TNRC6C: variants seen among roughly 807,000 people sequenced by gnomAD.
TNRC6C encodes the protein trinucleotide repeat containing adaptor 6C.
In TNRC6C, 20 loss-of-function variants were observed where a neutral mutation model predicts 153.7. The ratio of observed to expected loss-of-function variants is 0.13; its 90% confidence interval spans 0.09 to 0.19. The LOEUF is 0.19. Among genes scored for constraint, TNRC6C ranks in the 10% least tolerant of loss-of-function variants. The probability of loss-of-function intolerance (pLI) is 1.00; values close to 1 mark genes in which losing one functional copy is unlikely to be tolerated. For synonymous variants in TNRC6C, 811 were observed against 841.4 expected (o/e 0.96, Z 0.63); for missense variants, 1,987 against 2,172.0 (o/e 0.91, Z 1.69).
chr17:78,010,179 T>G (rs1055172548), intron 1 of TNRC6C, among the ~76,000 whole-genome samples: 12 of 152,218 alleles, frequency 7.9e-5, no homozygotes, highest in African/African-American at 2.9e-4. Context: ...CAGCCCAAAT[T>G]CGTACATTTA....
intron 16 of TNRC6C, among the ~76,000 whole-genome samples, chr17:78,093,971 T>TA (rs1187762362): frequency 1.3e-5 from 2 of 150,964 alleles, no homozygotes; most frequent in African/African-American, 2.5e-5. Flanking sequence ...CTGGATTTTT[T>TA]ATTATTATTA....
At chr17:78,058,471 A>G (rs1239864715) in intron 3 of TNRC6C, among the ~76,000 whole-genome samples, 1 of 152,256 alleles carries the variant, frequency 6.6e-6, no homozygotes, top group Non-Finnish European at 1.5e-5. Flanking sequence ...AATGAGATTG[A>G]AGAAGAACTT....
chr17:78,020,384 A>G (rs1036093958), intron 1 of TNRC6C, among the ~76,000 whole-genome samples: 1 of 152,214 alleles, frequency 6.6e-6, no homozygotes, highest in African/African-American at 2.4e-5. Flanking sequence ...ATAATGTGCT[A>G]GTACTTTAGT....
chr17:77,968,392 A>G (rs1314979200), intron 1 of TNRC6C, among the ~76,000 whole-genome samples: 2 of 149,518 alleles, frequency 1.3e-5, no homozygotes, highest in Admixed American at 1.3e-4. Context: ...CCCAGACTAG[A>G]GTGCGGTAGC....
intron 3 of TNRC6C, among the ~76,000 whole-genome samples, chr17:78,059,321 G>C (rs567319037): frequency 1.3e-5 from 2 of 152,192 alleles, no homozygotes; most frequent in African/African-American, 4.8e-5. Context: ...GTGGATGTGG[G>C]ATTTTTCTTG....
upstream of TNRC6C, chr17:78,004,370 A>G: frequency 8.4e-7 from 1 of 1,187,672 alleles, no homozygotes; most frequent in Non-Finnish European, 1.1e-6. Context: ...TTACTTTTTA[A>G]ATCAATATGC....
chr17:78,029,808 GACACACAC>G (rs57924935), intron 1 of TNRC6C, among the ~76,000 whole-genome samples: 4 of 146,374 alleles, frequency 2.7e-5, no homozygotes, highest in Non-Finnish European at 4.5e-5. Context: ...TAAAAACCTA[GACACACAC>G]ACACACACAC....
At chr17:78,070,654 T>C (rs536339792) in intron 5 of TNRC6C, among the ~76,000 whole-genome samples, 1 of 152,334 alleles carries the variant, frequency 6.6e-6, no homozygotes, top group African/African-American at 2.4e-5. Context: ...TCTTGCTGCC[T>C]CTTTACTCAT....
exon 3 of TNRC6C, chr17:78,050,147 G>T (rs1027519598): frequency 6.3e-7 from 1 of 1,590,928 alleles, no homozygotes; most frequent in Non-Finnish European, 8.6e-7. Context: ...GGATCAACAG[G>T]GTGGGAGAGT....
upstream of TNRC6C, among the ~76,000 whole-genome samples, chr17:78,002,150 G>A (rs1279495010): frequency 6.6e-6 from 1 of 151,946 alleles, no homozygotes; most frequent in African/African-American, 2.4e-5. Flanking sequence ...ACTGTGCAAG[G>A]TAGACAGTAA....
chr17:78,035,968 A>G (rs970403236), intron 2 of TNRC6C, among the ~76,000 whole-genome samples: 1 of 152,198 alleles, frequency 6.6e-6, no homozygotes, highest in Non-Finnish European at 1.5e-5. Context: ...GGTCACTTCT[A>G]CATTAAAACA....
At chr17:78,103,608 C>G (rs1025900499) in intron 19 of TNRC6C, 55 bp downstream of exon 22, 16 of 1,608,780 alleles carry the variant, frequency 9.9e-6, no homozygotes, top group Non-Finnish European at 1.3e-5. Context: ...TCCCCCAGAG[C>G]ATTAGGTTAG....
chr17:78,067,859 C>T, exon 5 of TNRC6C: 8 of 1,613,902 alleles, frequency 5.0e-6, no homozygotes, highest in Non-Finnish European at 6.8e-6. Context: ...AATAATGCTG[C>T]TTCCCAAGAA....
chr17:78,059,043 T>C (rs2072713666), intron 3 of TNRC6C, among the ~76,000 whole-genome samples: 1 of 152,224 alleles, frequency 6.6e-6, no homozygotes, highest in Non-Finnish European at 1.5e-5. Flanking sequence ...ATTGTTTCTA[T>C]AAGTCTCATT....
Position 78,049,280 on chromosome 17 carries a change from A to G in TNRC6C, c.218A>G (p.Lys73Arg), listed in dbSNP as rs542656189. Residue 73 changes from lysine (K) to arginine (R), a missense_variant, in exon 3 of 20, where the codon AAA (lysine) becomes AGA (arginine). Lys to Arg is a conservative substitution (Grantham distance 26). This residue lies in a region of TNRC6C where 1,052 missense variants were observed against 1,017.0 expected (regional missense o/e 1.03). Coordinates refer to ENST00000301624, the Ensembl canonical transcript of TNRC6C. The surrounding 1 kb of genome is among the most constrained non-coding windows in gnomAD (Gnocchi z 4.1). ...TGCTCTGTCAGTGGTGGGGATGGAA[A>G]AATGGACACTATGATTGGAGATGGG... The G allele has an allele frequency of 5.0e-5, 80 of 1,613,224 alleles. No homozygotes were observed. Among genetic ancestry groups the G allele is most frequent in the Non-Finnish European group, 6.6e-5 (78 of 1,179,378 alleles).
intron 1 of TNRC6C, among the ~76,000 whole-genome samples, chr17:77,985,471 G>A (rs1014058573): frequency 3.3e-5 from 5 of 151,882 alleles, no homozygotes; most frequent in Admixed American, 2.0e-4. Context: ...GTGTGGTGGC[G>A]GGCGCCTGTA....
At chr17:78,030,507 G>A (rs1688202017) in intron 1 of TNRC6C, among the ~76,000 whole-genome samples, 1 of 152,072 alleles carries the variant, frequency 6.6e-6, no homozygotes, top group Admixed American at 6.5e-5. Flanking sequence ...TTGTGACATT[G>A]CAACGGCTGT....
chr17:78,044,085 G>A (rs1347128363), intron 2 of TNRC6C, among the ~76,000 whole-genome samples: 1 of 152,150 alleles, frequency 6.6e-6, no homozygotes, highest in Non-Finnish European at 1.5e-5. Flanking sequence ...GATTGAGGTA[G>A]TATAACTTAT....
At chr17:78,064,862 G>T in exon 4 of TNRC6C, 1 of 1,613,166 alleles carries the variant, frequency 6.2e-7, no homozygotes, top group Non-Finnish European at 8.5e-7. Context: ...CGGGTGGGGA[G>T]ATCACCCTGC....
Sources: allele counts gnomAD v4.1 joint callset (sites outside exome capture counted in the v4.1 genomes callset), GRCh38; gene constraint gnomAD v4.1.1; regional missense constraint gnomAD v4.1.1; non-coding constraint Gnocchi (gnomAD v3.1); transcripts MANE v1.5; gene names NCBI Gene and HGNC (gene_info 2026-07-23, HGNC 2026-07-21).